HDAC9: variants seen among roughly 807,000 people sequenced by gnomAD.
HDAC9 encodes the protein MEF-2 interacting transcription repressor (MITR) protein.
In HDAC9, 41 loss-of-function variants were observed where a neutral mutation model predicts 139.4. The ratio of observed to expected loss-of-function variants is 0.29; its 90% CI spans 0.23 to 0.38. HDAC9 has a LOEUF of 0.38. Among genes scored for constraint, HDAC9 ranks in the 10% least tolerant of loss-of-function variants. The pLI, the probability that HDAC9 is intolerant of heterozygous loss-of-function variation, is 1.00. For synonymous variants in HDAC9, 517 were observed against 476.2 expected, an observed-to-expected ratio of 1.09 and a Z score of -1.12; for missense variants, 1,147 against 1,297.0, an observed-to-expected ratio of 0.88 and a Z score of 1.78.
chr7:18,935,292 CATA>C (rs1269622762), intron 22 of HDAC9, among the ~76,000 whole-genome samples: 2 of 151,820 alleles, frequency 1.3e-5, no homozygotes, highest in East Asian at 1.9e-4. Flanking sequence ...TCAAATGTTT[CATA>C]ATAAAATAAT....
intron 1 of HDAC9, among the ~76,000 whole-genome samples, chr7:18,310,081 T>C (rs1410335891): frequency 6.7e-6 from 1 of 149,620 alleles, no homozygotes; most frequent in Non-Finnish European, 1.5e-5. Flanking sequence ...ATGCACACTT[T>C]AGCTTGATAA....
chr7:18,273,633 T>C (rs755409946), intron 2 of HDAC9, among the ~76,000 whole-genome samples: 6 of 152,058 alleles, frequency 3.9e-5, no homozygotes, highest in Non-Finnish European at 8.8e-5. Flanking sequence ...TTGTGTGATA[T>C]AGGGAAGGAC....
intron 1 of HDAC9, among the ~76,000 whole-genome samples, chr7:18,438,216 C>G (rs1478240036): frequency 6.6e-6 from 1 of 151,578 alleles, no homozygotes; most frequent in Admixed American, 6.6e-5. Flanking sequence ...ATCAGATGGC[C>G]AATAAACATA....
At chr7:18,899,543 G>C (rs895559179) in intron 22 of HDAC9, 2 of 151,902 alleles carry the variant, frequency 1.3e-5, no homozygotes, top group African/African-American at 4.8e-5. Flanking sequence ...TATAGATTCA[G>C]AATCTACAGA....
intron 19 of HDAC9, among the ~76,000 whole-genome samples, chr7:18,834,206 T>C (rs1353858786): frequency 6.6e-6 from 1 of 152,212 alleles, no homozygotes. Context: ...CTTGCTAATA[T>C]AAAGTAAGTA....
At chr7:18,983,686 G>A (rs79178008) in intron 25 of HDAC9, among the ~76,000 whole-genome samples, 18,820 of 152,178 alleles carry the variant, frequency 0.12, 1,240 homozygotes, top group Middle Eastern at 0.18. Flanking sequence ...CAAAGTGGCT[G>A]TACCATTTTT....
intron 1 of HDAC9, among the ~76,000 whole-genome samples, chr7:18,340,567 A>G (rs1056669061): frequency 5.3e-5 from 8 of 151,546 alleles, no homozygotes; most frequent in Non-Finnish European, 7.4e-5. Flanking sequence ...GATTTATAGT[A>G]TACATCTTTA....
chr7:18,705,635 G>A (rs547495099), intron 12 of HDAC9, among the ~76,000 whole-genome samples: 115 of 152,058 alleles, frequency 7.6e-4, no homozygotes, highest in Middle Eastern at 3.4e-3. Flanking sequence ...CAGATTGCTC[G>A]AGGTCAGGGG....
rs1786748368 is a variant in HDAC9, at chr7:18,151,116, C to G, written c.-96-11113C>G. 2.0e-5 allele frequency among the ~76,000 whole-genome samples: 3 copies of G among 151,990 alleles called. No homozygotes were observed. In the South Asian group the frequency reaches 6.2e-4, roughly 32 times the overall value. On this transcript the variant is annotated intron_variant, in intron 1 of 12. Transcript: ENST00000417496. ...ATAAAAGCAAAGGCTGTATCTCTTC[C>G]CCTATATGACATTAATAGAAATAAT... is the stretch of plus-strand genomic sequence containing the variant.
chr7:18,604,414 T>A (rs1191051376), intron 6 of HDAC9, among the ~76,000 whole-genome samples: 4 of 152,060 alleles, frequency 2.6e-5, no homozygotes, highest in African/African-American at 9.7e-5. Context: ...TGGACCTTTT[T>A]TTTTTTTCTT....
At chr7:18,465,678 T>C (rs573547595) in intron 1 of HDAC9, among the ~76,000 whole-genome samples, 9 of 152,028 alleles carry the variant, frequency 5.9e-5, no homozygotes, top group African/African-American at 2.2e-4. Context: ...CATTCCTTGA[T>C]TTTTTTTGAG....
intron 2 of HDAC9, among the ~76,000 whole-genome samples, chr7:18,269,280 C>T (rs182513544): frequency 2.0e-5 from 3 of 152,212 alleles, no homozygotes; most frequent in Non-Finnish European, 1.5e-5. Flanking sequence ...ACCAGGAATT[C>T]TAGTGATTTG....
At chr7:18,229,996 G>T (rs1192416508) in intron 2 of HDAC9, among the ~76,000 whole-genome samples, 2 of 152,096 alleles carry the variant, frequency 1.3e-5, no homozygotes, top group African/African-American at 4.8e-5. Context: ...AAAAATAGTG[G>T]CATTTCCTCT....
intron 2 of HDAC9, among the ~76,000 whole-genome samples, chr7:18,185,801 A>G (rs1441269395): frequency 6.6e-6 from 1 of 152,238 alleles, no homozygotes; most frequent in Non-Finnish European, 1.5e-5. Flanking sequence ...CTTGCAGTCA[A>G]TGAAAAAATC....
chr7:18,218,100 C>T (rs1339670056), intron 2 of HDAC9, among the ~76,000 whole-genome samples: 1 of 152,072 alleles, frequency 6.6e-6, no homozygotes, highest in Non-Finnish European at 1.5e-5. Flanking sequence ...GTGAGTGATC[C>T]AAGACAGAGT....
At chr7:18,261,308 CAAAATAA>C (rs991353348) in intron 2 of HDAC9, among the ~76,000 whole-genome samples, 13 of 151,852 alleles carry the variant, frequency 8.6e-5, no homozygotes, top group African/African-American at 3.1e-4. Flanking sequence ...ACCCTGTCTC[CAAAATAA>C]AAAATAAAAT....
At chr7:18,182,062 A>AG (rs1202858961) in intron 2 of HDAC9, among the ~76,000 whole-genome samples, 1 of 152,148 alleles carries the variant, frequency 6.6e-6, no homozygotes, top group Non-Finnish European at 1.5e-5. Context: ...GGTCTGGAGT[A>AG]GGGGAAAAGG....
At chr7:18,938,824 A>G (rs1781832632) in intron 23 of HDAC9, among the ~76,000 whole-genome samples, 1 of 152,216 alleles carries the variant, frequency 6.6e-6, no homozygotes, top group South Asian at 2.1e-4. Flanking sequence ...TAAGAAGGAA[A>G]GGGAATTTAA....
chr7:18,769,386 A>G (rs1038354202), intron 16 of HDAC9, among the ~76,000 whole-genome samples: 36 of 152,080 alleles, frequency 2.4e-4, no homozygotes, highest in African/African-American at 7.7e-4. Flanking sequence ...AGTCCTTAGT[A>G]ATGTCCCTAG....
Sources: allele counts gnomAD v4.1 joint callset (sites outside exome capture counted in the v4.1 genomes callset), GRCh38; gene constraint gnomAD v4.1.1; transcripts MANE v1.5; gene names NCBI Gene and HGNC (gene_info 2026-07-23, HGNC 2026-07-21).